The following CCDC7 variants were observed in gnomAD, a reference collection of about 807,000 sequenced individuals.
CCDC7 encodes the protein coiled-coil domain containing 7.
CCDC7 carries 183 observed loss-of-function variants against 196.9 expected under a neutral mutation model. The ratio of observed to expected loss-of-function variants is 0.93; its 90% CI spans 0.82 to 1.05. CCDC7 has a LOEUF of 1.05. Among genes scored for constraint, CCDC7 ranks in the 50% least tolerant of loss-of-function variants. CCDC7 has a pLI of 0.00. For synonymous variants in CCDC7, 525 were observed against 484.6 expected (o/e 1.08, Z -1.10); for missense variants, 1,540 against 1,482.2 (o/e 1.04, Z -0.64).
intron 21 of CCDC7, among the ~76,000 whole-genome samples, chr10:32,671,207 G>T (rs571680444): frequency 3.9e-5 from 6 of 152,194 alleles, no homozygotes; most frequent in African/African-American, 1.4e-4. Flanking sequence ...GTAACTCTTA[G>T]TTCTGCAAGC....
Position 32,782,249 on chromosome 10 carries a change from G to T in CCDC7, c.3013+3165G>T, listed in dbSNP as rs529732777. Among the ~76,000 whole-genome samples, 1,011 of 146,134 alleles carry T rather than the reference G, an allele frequency of 6.9e-3. 5 individuals carry two copies. The highest frequency in any genetic ancestry group is 0.021 in the Middle Eastern group (6 of 282). On this transcript the variant is annotated intron_variant, in intron 29 of 41. Transcript: ENST00000639629. ...TTTTTGTTTTTTTTGGTTTTTTTTT[G>T]AGATTGAGTCTTCCTCTGTCACCCA...
intron 28 of CCDC7, among the ~76,000 whole-genome samples, chr10:32,741,103 G>A (rs562055501): frequency 1.3e-5 from 2 of 152,084 alleles, no homozygotes; most frequent in Non-Finnish European, 2.9e-5. Flanking sequence ...TTGTAAAAAT[G>A]AGAGAGATAC....
intron 41 of CCDC7, among the ~76,000 whole-genome samples, chr10:32,856,406 C>A (rs1228100593): frequency 6.6e-6 from 1 of 152,146 alleles, no homozygotes; most frequent in East Asian, 1.9e-4. Flanking sequence ...ATAGGCCAGC[C>A]TCCTAGAGAA....
intron 39 of CCDC7, among the ~76,000 whole-genome samples, 189 bp downstream of exon 40, chr10:32,848,907 A>G (rs2093422348): frequency 6.6e-6 from 1 of 152,130 alleles, no homozygotes; most frequent in Admixed American, 6.5e-5. Context: ...ACTTCATAGT[A>G]AGAACACTTT....
At chr10:32,652,878 C>G (rs2069032517) in intron 20 of CCDC7, among the ~76,000 whole-genome samples, 1 of 152,030 alleles carries the variant, frequency 6.6e-6, no homozygotes, top group Non-Finnish European at 1.5e-5. Flanking sequence ...TGTATTGTTT[C>G]TATTAGCAGA....
intron 22 of CCDC7, among the ~76,000 whole-genome samples, chr10:32,688,209 A>C (rs1047582324): frequency 6.6e-6 from 1 of 152,294 alleles, no homozygotes; most frequent in East Asian, 1.9e-4. Context: ...TTATGGTAGA[A>C]GCAAACTATT....
chr10:32,447,502 T>C (rs980115661), upstream of CCDC7, among the ~76,000 whole-genome samples: 1 of 152,238 alleles, frequency 6.6e-6, no homozygotes, highest in Non-Finnish European at 1.5e-5. Flanking sequence ...TTCAGAATTC[T>C]TTTGAGGCTT....
intron 18 of CCDC7, among the ~76,000 whole-genome samples, chr10:32,605,113 C>A (rs1179842011): frequency 6.6e-6 from 1 of 151,968 alleles, no homozygotes; most frequent in African/African-American, 2.4e-5. Flanking sequence ...GTATGTGACA[C>A]CTCCCCCACT....
At position 32,689,639 on chromosome 10, in the gene CCDC7, G is replaced by C. The variant is rs140416027; in HGVS notation, c.2344+476G>C. Reference sequence around the variant, plus strand: ...GTCATGGCCCCACTGAAATGAAACAGAATTTCTGGTAACCCCATAGATGAA... The same window carrying C: ...GTCATGGCCCCACTGAAATGAAACACAATTTCTGGTAACCCCATAGATGAA... On this transcript the variant is annotated intron_variant, in intron 23 of 41. Coordinates refer to ENST00000639629, the Ensembl canonical transcript of CCDC7. Among the ~76,000 whole-genome samples, 272 of 152,204 alleles carry C rather than the reference G, an allele frequency of 1.8e-3. 1 individual carries two copies. Among genetic ancestry groups the C allele is most frequent in the African/African-American group, 6.2e-3 (259 of 41,552 alleles).
chr10:32,619,604 T>A (rs185792079), intron 18 of CCDC7, among the ~76,000 whole-genome samples: 121 of 152,172 alleles, frequency 8.0e-4, no homozygotes, highest in African/African-American at 2.6e-3. Context: ...ATCTTATACT[T>A]GAATAATTAA....
At chr10:32,565,817 G>A (rs957893162) in intron 14 of CCDC7, among the ~76,000 whole-genome samples, 197 bp downstream of exon 15, 5 of 152,062 alleles carry the variant, frequency 3.3e-5, no homozygotes, top group South Asian at 2.1e-4. Flanking sequence ...CAAAAATAGC[G>A]AGATATAAAG....
At chr10:32,760,976 GATATTCAGT>G (rs1361914648) in intron 28 of CCDC7, among the ~76,000 whole-genome samples, 5 of 151,882 alleles carry the variant, frequency 3.3e-5, no homozygotes, top group Non-Finnish European at 7.4e-5. Flanking sequence ...TAGTCATGGT[GATATTCAGT>G]ATATTTAACA....
At chr10:32,828,461 A>AAGAG (rs2091539454) in intron 32 of CCDC7, among the ~76,000 whole-genome samples, 2 of 70,734 alleles carry the variant, frequency 2.8e-5, no homozygotes, top group African/African-American at 4.1e-5. Context: ...AAGAAGAAGA[A>AAGAG]GAAGAGGAAG....
intron 31 of CCDC7, 105 bp from the exon 33 acceptor site, chr10:32,824,413 T>C (rs1565621061): frequency 1.6e-6 from 1 of 625,900 alleles, no homozygotes; most frequent in Non-Finnish European, 2.7e-6. Context: ...ATTATAATTC[T>C]ACTCCAATGA....
At chr10:32,677,741 C>T (rs552014823) in intron 21 of CCDC7, among the ~76,000 whole-genome samples, 2 of 151,908 alleles carry the variant, frequency 1.3e-5, no homozygotes, top group South Asian at 2.1e-4. Context: ...TCTGGAAGTC[C>T]ATTTTCCTCC....
At chr10:32,561,783 C>A (rs2055705764) in intron 13 of CCDC7, among the ~76,000 whole-genome samples, 1 of 151,908 alleles carries the variant, frequency 6.6e-6, no homozygotes, top group South Asian at 2.1e-4. Flanking sequence ...TAGCAGAAGG[C>A]AAGAAATAAG....
At chr10:32,538,414 G>A (rs982580437) in intron 11 of CCDC7, among the ~76,000 whole-genome samples, 3 of 152,110 alleles carry the variant, frequency 2.0e-5, no homozygotes, top group Admixed American at 6.6e-5. Context: ...TCTAGATATA[G>A]AATCATGCCA....
At chr10:32,716,339 A>G (rs2081575292) in intron 25 of CCDC7, among the ~76,000 whole-genome samples, 1 of 152,236 alleles carries the variant, frequency 6.6e-6, no homozygotes, top group African/African-American at 2.4e-5. Context: ...ATTACAGACA[A>G]GCAAATGCTG....
chr10:32,474,210 CTTTTTTTT>C (rs71027095), intron 8 of CCDC7, among the ~76,000 whole-genome samples, 187 bp downstream of exon 9: 4 of 58,964 alleles, frequency 6.8e-5, no homozygotes, highest in East Asian at 1.2e-3. Flanking sequence ...AAACTAGATT[CTTTTTTTT>C]TTTTTTTTTT....
Sources: allele counts gnomAD v4.1 joint callset (sites outside exome capture counted in the v4.1 genomes callset), GRCh38; gene constraint gnomAD v4.1.1; transcripts MANE v1.5; gene names NCBI Gene and HGNC (gene_info 2026-07-23, HGNC 2026-07-21).